Variants in RAB11FIP3 observed in about 807,000 individuals in gnomAD.
RAB11FIP3 encodes the protein RAB11 family interacting protein 3.
A neutral mutation model predicts 77.8 loss-of-function variants in RAB11FIP3; 17 were observed. The observed-to-expected ratio is 0.22, with a 90% CI of 0.15 to 0.33. RAB11FIP3 has a LOEUF of 0.33. RAB11FIP3 is among the 10% of genes least tolerant of loss of function. RAB11FIP3 has a pLI of 1.00. For missense variants in RAB11FIP3, 1,005 were observed against 1,011.2 expected, an observed-to-expected ratio of 0.99 and a Z score of 0.08; for synonymous variants, 437 against 448.2, an observed-to-expected ratio of 0.98 and a Z score of 0.31.
intron 1 of RAB11FIP3, among the ~76,000 whole-genome samples, chr16:438,458 T>G (rs1287615455): frequency 7.2e-6 from 1 of 138,940 alleles, no homozygotes; most frequent in Admixed American, 7.8e-5. Flanking sequence ...CAGGCTGGAG[T>G]GCAGTGGCAC....
intron 4 of RAB11FIP3, among the ~76,000 whole-genome samples, chr16:488,098 G>A (rs529563455): frequency 4.6e-5 from 7 of 152,268 alleles, no homozygotes; most frequent in Admixed American, 6.5e-5. Flanking sequence ...AAATATATTC[G>A]GGCCAGGCGT....
chr16:491,373 C>A, intron 5 of RAB11FIP3: 1 of 1,177,870 alleles, frequency 8.5e-7, no homozygotes, highest in Non-Finnish European at 1.1e-6. Flanking sequence ...AGGAGCCTCT[C>A]AGGCAGCGGG....
intron 2 of RAB11FIP3, among the ~76,000 whole-genome samples, chr16:462,397 A>G (rs1171310107): frequency 6.6e-6 from 1 of 152,042 alleles, no homozygotes; most frequent in African/African-American, 2.4e-5. Flanking sequence ...CAAAACATAT[A>G]AAAATTTTTG....
rs1358605924 is a variant in RAB11FIP3, at chr16:450,608, A to AGGGCTTGGCT, written c.715-10790_715-10781dup. Among the ~76,000 whole-genome samples, 9 of 152,256 alleles carry AGGGCTTGGCT rather than the reference A, an allele frequency of 5.9e-5. No individual in the cohort carries two copies. In the South Asian group the frequency reaches 1.9e-3, roughly 32 times the overall value. On this transcript the variant is annotated intron_variant, in intron 1 of 13. Coordinates refer to ENST00000262305, the MANE Select transcript of RAB11FIP3 (RefSeq NM_014700.4). The stretch of plus-strand genomic sequence containing the variant: ...TACCCAGGACACTGCAGCGGCTAGC[A>AGGGCTTGGCT]GGGCTTGGCTGGGCTGGCGAATGAG...
intron 6 of RAB11FIP3, among the ~76,000 whole-genome samples, chr16:499,481 A>G (rs2031363236): frequency 6.6e-6 from 1 of 151,968 alleles, no homozygotes; most frequent in South Asian, 2.1e-4. Flanking sequence ...TGTTTCCTTC[A>G]CGGGTACCCT....
Position 482,707 on chromosome 16 carries a change from C to T in RAB11FIP3, c.1086C>T (p.Asp362=), listed in dbSNP as rs139755055. The change falls in exon 4 of 14, where the codon GAC becomes GAT. Residue 362 remains aspartate, a synonymous_variant. Coordinates refer to ENST00000262305, the MANE Select transcript of RAB11FIP3 (RefSeq NM_014700.4). The stretch of plus-strand genomic sequence containing the variant: ...GCCTGGACGCCATGGAGGAGCCCGA[C>T]CATGGTGCCCTGCTGCTGCTCCCAG... ...SECLDAMEEP[D]HGALLLLPGR... 2.2e-3 allele frequency: 3,620 copies of T among 1,609,614 alleles called. 4 individuals carry two copies. Among genetic ancestry groups the T allele is most frequent in the Non-Finnish European group, 2.8e-3 (3,259 of 1,178,896 alleles).
intron 3 of RAB11FIP3, among the ~76,000 whole-genome samples, chr16:477,193 G>T (rs922117354): frequency 2.0e-5 from 3 of 152,072 alleles, no homozygotes; most frequent in Non-Finnish European, 4.4e-5. Context: ...GGCAGAGGTT[G>T]CAGTGAGCCA....
At chr16:432,041 G>A (rs997739422) in intron 1 of RAB11FIP3, among the ~76,000 whole-genome samples, 6 of 152,154 alleles carry the variant, frequency 3.9e-5, no homozygotes, top group African/African-American at 1.2e-4. Flanking sequence ...ATAGGCATGA[G>A]CTATGGCGCC....
At position 505,629 on chromosome 16, in the gene RAB11FIP3, T is replaced by G; in HGVS notation, c.1499+2T>G. On this transcript the variant is annotated splice_donor_variant, in intron 8 of 13. Coordinates refer to ENST00000262305, the MANE Select transcript of RAB11FIP3 (RefSeq NM_014700.4). LOFTEE classifies it high-confidence loss of function. This position sits in a 1 kb window ranked among gnomAD's most constrained non-coding sequence, Gnocchi z 4.0. ...GGAGAACCTGCAGCTGGTGCACAGGTGAGCCTGGGCCAGGAGACCCGGGCC... is the reference window on the plus strand; with the variant it reads ...GGAGAACCTGCAGCTGGTGCACAGGGGAGCCTGGGCCAGGAGACCCGGGCC... The G allele has an allele frequency of 6.3e-7, 1 of 1,591,208 alleles. No individual in the cohort carries two copies. Among genetic ancestry groups the G allele is most frequent in the Non-Finnish European group, 8.5e-7 (1 of 1,175,520 alleles).
At chr16:438,544 T>C (rs527720324) in intron 1 of RAB11FIP3, among the ~76,000 whole-genome samples, 14 of 150,720 alleles carry the variant, frequency 9.3e-5, no homozygotes, top group Admixed American at 1.3e-4. Context: ...TAGCTGGGAC[T>C]ACAGGTGCAC....
chr16:515,906 AC>A (rs908106790), intron 9 of RAB11FIP3, among the ~76,000 whole-genome samples: 1 of 151,782 alleles, frequency 6.6e-6, no homozygotes, highest in African/African-American at 2.4e-5. Flanking sequence ...ACCCATCCCC[AC>A]CCTAGAGGAG....
chr16:495,452 C>A (rs1317536116), intron 5 of RAB11FIP3, among the ~76,000 whole-genome samples: 1 of 152,212 alleles, frequency 6.6e-6, no homozygotes, highest in Non-Finnish European at 1.5e-5. Context: ...AGAACAGCTA[C>A]CCGAATGGGG....
chr16:522,514 A>C lies in RAB11FIP3; in HGVS notation c.*1675A>C, dbSNP rs1399169639. ...GCCGGCTTCTTCCTCCAGGGGGGCC[A>C]CAGGGTGGGGTGGGAGTCTTCTGGG... is the stretch of plus-strand genomic sequence containing the variant. On this transcript the variant is annotated 3_prime_UTR_variant, in exon 14 of 14. Transcript: ENST00000262305. The C allele has an allele frequency of 6.6e-6, 1 of 152,164 alleles. No homozygotes were observed. Among genetic ancestry groups the C allele is most frequent in the African/African-American group, 2.4e-5 (1 of 41,416 alleles). The allele number at this position is 152,164 out of a possible 1,614,324, so 9.4% of individuals were successfully genotyped here.
At chr16:479,269 A>G (rs1026372583) in intron 3 of RAB11FIP3, among the ~76,000 whole-genome samples, 1 of 152,066 alleles carries the variant, frequency 6.6e-6, no homozygotes, top group Non-Finnish European at 1.5e-5. Context: ...GCTCACACCT[A>G]TAGTCCCAGC....
intron 1 of RAB11FIP3, among the ~76,000 whole-genome samples, chr16:441,768 G>A (rs2055230934): frequency 6.6e-6 from 1 of 152,220 alleles, no homozygotes; most frequent in African/African-American, 2.4e-5. Context: ...TTGAGTGACT[G>A]ATACTTTTGA....
At chr16:428,105 A>AAC (rs2054981304) in intron 1 of RAB11FIP3, among the ~76,000 whole-genome samples, 1 of 151,628 alleles carries the variant, frequency 6.6e-6, no homozygotes, top group African/African-American at 2.4e-5. Context: ...CGTCTCAAAA[A>AAC]AAAAAAACAG....
At chr16:467,256 G>C (rs1020162446) in intron 2 of RAB11FIP3, among the ~76,000 whole-genome samples, 7 of 152,206 alleles carry the variant, frequency 4.6e-5, no homozygotes, top group South Asian at 4.1e-4. Context: ...AGGGTCAGAA[G>C]GAGCAGGTGA....
chr16:470,554 AGTGTGAAGACACCTAAGTGTCTTCT>A, intron 2 of RAB11FIP3, among the ~76,000 whole-genome samples: 1 of 152,376 alleles, frequency 6.6e-6, no homozygotes, highest in African/African-American at 2.4e-5. Flanking sequence ...ATAGTGAGAC[AGTGTGAAGACACCTAAGTGTCTTCT>A]GTCACTCACA....
rs1176073722 is a variant in RAB11FIP3 at position 426,307 on chromosome 16, G to A, written c.301G>A (p.Ala101Thr). 1.5e-6 allele frequency: 2 copies of A among 1,316,654 alleles called. No individual in the cohort carries two copies. The highest frequency in any genetic ancestry group is 1.9e-6 in the Non-Finnish European group (2 of 1,033,448). 81.6% of individuals were successfully genotyped at this position (1,316,654 alleles called of 1,614,324 possible). A position where few individuals can be genotyped will look rare whatever the true frequency, so the allele number is the denominator to read the frequency against. ...PPRSGPRGQL[A>T]SPDAPGPGPR... ...GCGCTCCGGCCCGCGGGGGCAGCTT[G>A]CGAGCCCCGACGCCCCGGGCCCAGG... The change falls in exon 1 of 14, where the codon GCG becomes ACG. Residue 101 changes from alanine to threonine, a missense_variant. Physicochemically the swap from Ala to Thr is moderately conservative, Grantham distance 58 (BLOSUM62 0). Coordinates refer to ENST00000262305, the MANE Select transcript of RAB11FIP3 (RefSeq NM_014700.4). This position sits in a 1 kb window ranked among gnomAD's most constrained non-coding sequence, Gnocchi z 5.0.
Sources: allele counts gnomAD v4.1 joint callset (sites outside exome capture counted in the v4.1 genomes callset), GRCh38; gene constraint gnomAD v4.1.1; non-coding constraint Gnocchi (gnomAD v3.1); transcripts MANE v1.5; gene names NCBI Gene and HGNC (gene_info 2026-07-23, HGNC 2026-07-21).